MGAT4C: variants seen among roughly 807,000 people sequenced by gnomAD.
MGAT4C encodes MGAT4 family member C, also known as alpha-1,3-mannosyl-glycoprotein 4-beta-N-acetylglucosaminyltransferase C.
MGAT4C carries 19 observed loss-of-function variants against 40.1 expected under a neutral mutation model. The observed-to-expected ratio is 0.47, with a 90% CI of 0.33 to 0.70. The LOEUF (loss-of-function observed/expected upper bound fraction) is 0.70, where lower values mean the gene tolerates loss of function less well. MGAT4C is among the 30% of genes least tolerant of loss of function. MGAT4C has a pLI of 0.02. For missense variants in MGAT4C, 491 were observed against 563.2 expected, an observed-to-expected ratio of 0.87 and a Z score of 1.30; for synonymous variants, 181 against 187.1, an observed-to-expected ratio of 0.97 and a Z score of 0.27.
chr12:86,312,892 T>G (rs17288408), intron 4 of MGAT4C, among the ~76,000 whole-genome samples: 10,252 of 152,192 alleles, frequency 0.067, 556 homozygotes, highest in Admixed American at 0.14. Context: ...GCTTAATTTA[T>G]GGCTTTTGGA....
At chr12:86,488,128 T>C (rs1958056668) in intron 2 of MGAT4C, among the ~76,000 whole-genome samples, 1 of 152,006 alleles carries the variant, frequency 6.6e-6, no homozygotes, top group Non-Finnish European at 1.5e-5. Flanking sequence ...TCATGCTTGT[T>C]ATCTCAACAC....
chr12:86,088,623 G>A (rs1872339592), intron 1 of MGAT4C, among the ~76,000 whole-genome samples: 2 of 151,814 alleles, frequency 1.3e-5, no homozygotes, highest in African/African-American at 4.8e-5. Context: ...CAAGCATATG[G>A]GAAAATGCTC....
At chr12:86,021,230 A>G (rs1048893883) in intron 2 of MGAT4C, among the ~76,000 whole-genome samples, 3 of 152,252 alleles carry the variant, frequency 2.0e-5, no homozygotes, top group Middle Eastern at 3.4e-3. Flanking sequence ...CAGCCATCTC[A>G]TTACTGGGTA....
intron 3 of MGAT4C, among the ~76,000 whole-genome samples, chr12:86,384,965 T>G (rs2136223125): frequency 6.6e-6 from 1 of 152,330 alleles, no homozygotes; most frequent in Non-Finnish European, 1.5e-5. Context: ...CTGACCTACT[T>G]AATTTCTCCT....
At chr12:86,532,721 C>A (rs1194482954) in intron 2 of MGAT4C, among the ~76,000 whole-genome samples, 1 of 151,952 alleles carries the variant, frequency 6.6e-6, no homozygotes, top group Non-Finnish European at 1.5e-5. Context: ...AATCTGGGGA[C>A]AACTACATTT....
intron 2 of MGAT4C, among the ~76,000 whole-genome samples, chr12:86,540,900 G>T (rs1185946510): frequency 6.6e-6 from 1 of 152,184 alleles, no homozygotes; most frequent in African/African-American, 2.4e-5. Context: ...AATAGGCAAT[G>T]AACAAAACAT....
chr12:86,660,343 C>A lies in MGAT4C; in HGVS notation c.-229+66866G>T, dbSNP rs553565267. On this transcript the variant is annotated intron_variant, in intron 2 of 7. Coordinates refer to the MGAT4C transcript ENST00000548651. ...TGGAATGTGGAATTCAGAAAGAAAGCAATCTCCTTCTTTGATACTACAAAA... is the reference window on the plus strand; with the variant it reads ...TGGAATGTGGAATTCAGAAAGAAAGAAATCTCCTTCTTTGATACTACAAAA... 2.6e-5 allele frequency among the ~76,000 whole-genome samples: 4 copies of A among 152,204 alleles called. No homozygotes were observed. The South Asian group carries it at 8.3e-4, about 32-fold the overall frequency.
chr12:86,699,865 A>G (rs1830513438), intron 2 of MGAT4C, among the ~76,000 whole-genome samples: 1 of 151,960 alleles, frequency 6.6e-6, no homozygotes, highest in Non-Finnish European at 1.5e-5. Flanking sequence ...AGAGGAGGAG[A>G]AAAAAGAGGT....
At chr12:86,406,248 G>T (rs1956471227) in intron 3 of MGAT4C, among the ~76,000 whole-genome samples, 1 of 151,148 alleles carries the variant, frequency 6.6e-6, no homozygotes, top group Admixed American at 6.6e-5. Context: ...TGATAAAATG[G>T]ACTTCTGCCA....
At chr12:86,730,076 T>C (rs923250362) in intron 1 of MGAT4C, among the ~76,000 whole-genome samples, 4 of 152,028 alleles carry the variant, frequency 2.6e-5, no homozygotes, top group African/African-American at 9.7e-5. Flanking sequence ...CAGCATAGAT[T>C]TTTCATCTTG....
intron 3 of MGAT4C, among the ~76,000 whole-genome samples, chr12:86,358,654 CA>C (rs529264860): frequency 2.6e-5 from 4 of 151,328 alleles, no homozygotes; most frequent in Non-Finnish European, 5.9e-5. Context: ...AAATGGAAAA[CA>C]AAAAAAAGCA....
chr12:86,037,338 A>G (rs532689506), intron 2 of MGAT4C, among the ~76,000 whole-genome samples: 1 of 149,666 alleles, frequency 6.7e-6, no homozygotes, highest in African/African-American at 2.4e-5. Flanking sequence ...CTAGCTTTTG[A>G]ATTTGTTTGC....
intron 1 of MGAT4C, among the ~76,000 whole-genome samples, chr12:86,154,214 C>T (rs1884641743): frequency 6.6e-6 from 1 of 152,116 alleles, no homozygotes; most frequent in South Asian, 2.1e-4. Context: ...CCCACCATTT[C>T]TTGCTTATAG....
At chr12:86,052,575 A>G (rs1892993873) in intron 1 of MGAT4C, among the ~76,000 whole-genome samples, 1 of 152,046 alleles carries the variant, frequency 6.6e-6, no homozygotes, top group South Asian at 2.1e-4. Context: ...AACAGCTTCA[A>G]GAATCAAATT....
In MGAT4C at chr12:86,114,462, T is replaced by A. The variant is rs1027494855; in HGVS notation, c.-56-64739A>T. On this transcript the variant is annotated intron_variant, in intron 1 of 4. Coordinates refer to ENST00000611864, the MANE Select transcript of MGAT4C (RefSeq NM_001351288.2). ...TAAAAATAAGTAAAATAAAAAATTG[T>A]AGTTACAATGAACAAGGCCATGATA... Among the ~76,000 whole-genome samples the A allele has an allele frequency of 5.3e-5, 8 of 152,066 alleles. No individual in the cohort carries two copies. The East Asian group carries it at 1.5e-3, about 29-fold the overall frequency.
At chr12:86,700,042 A>AGATAGATAGATAGATC in intron 2 of MGAT4C, among the ~76,000 whole-genome samples, 1 of 150,838 alleles carries the variant, frequency 6.6e-6, no homozygotes, top group African/African-American at 2.5e-5. Flanking sequence ...ATAAATAGAT[A>AGATAGATAGATAGATC]GATAGATAGA....
rs1163202017 is a variant in MGAT4C, at chr12:85,973,571, T to A, written c.*5718A>T. The A allele has an allele frequency of 2.0e-5, 3 of 150,968 alleles. No individual in the cohort carries two copies. Among genetic ancestry groups the A allele is most frequent in the East Asian group, 3.9e-4 (2 of 5,180 alleles). 9.4% of individuals were successfully genotyped at this position (150,968 alleles called of 1,614,324 possible). On this transcript the variant is annotated 3_prime_UTR_variant, in exon 5 of 5. Coordinates refer to ENST00000611864, the MANE Select transcript of MGAT4C (RefSeq NM_001351288.2). ...TATTTTATAGAAAAATATTGAATAT[T>A]TTATTATTATGTCTTTGGCTCACCT...
At chr12:86,578,229 A>C (rs7304556) in intron 2 of MGAT4C, among the ~76,000 whole-genome samples, 129,116 of 151,690 alleles carry the variant, frequency 0.85, 55,484 homozygotes, top group South Asian at 0.96. Flanking sequence ...CAGGCCCTGG[A>C]CCTTGTGCCT....
chr12:85,980,843 A>G (rs1415515011), intron 4 of MGAT4C, among the ~76,000 whole-genome samples: 1 of 152,122 alleles, frequency 6.6e-6, no homozygotes, highest in Non-Finnish European at 1.5e-5. Context: ...CTCTTTTGCA[A>G]AAAGAGAAGG....
Sources: allele counts gnomAD v4.1 joint callset (sites outside exome capture counted in the v4.1 genomes callset), GRCh38; gene constraint gnomAD v4.1.1; transcripts MANE v1.5; gene names NCBI Gene and HGNC (gene_info 2026-07-23, HGNC 2026-07-21).